Variants in ZNF329 observed in about 807,000 individuals in gnomAD.
ZNF329 encodes the protein zinc finger protein 329.
ZNF329 carries 15 observed loss-of-function variants against 26.6 expected under a neutral mutation model. The observed-to-expected ratio is 0.56, with a 90% CI of 0.38 to 0.87. The LOEUF (loss-of-function observed/expected upper bound fraction) is 0.87. ZNF329 is among the 40% of genes least tolerant of loss of function. ZNF329 has a pLI of 0.00. For missense variants in ZNF329, 651 were observed against 651.9 expected, an observed-to-expected ratio of 1.00 and a Z score of 0.02; for synonymous variants, 239 against 233.5, an observed-to-expected ratio of 1.02 and a Z score of -0.21.
chr19:58,148,005 C>T (rs868320002), intron 1 of ZNF329, among the ~76,000 whole-genome samples: 5 of 152,112 alleles, frequency 3.3e-5, no homozygotes, highest in East Asian at 1.9e-4. Context: ...CGTGTCTGTG[C>T]AGAAAGTAGA....
upstream of ZNF329, among the ~76,000 whole-genome samples, chr19:58,151,967 G>T (rs2075463068): frequency 6.6e-6 from 1 of 152,098 alleles, no homozygotes; most frequent in Non-Finnish European, 1.5e-5. Flanking sequence ...ATTATTTATA[G>T]ATTATTCTAT....
chr19:58,139,218 A>C (rs531144720), intron 3 of ZNF329, among the ~76,000 whole-genome samples: 22 of 152,184 alleles, frequency 1.4e-4, no homozygotes, highest in African/African-American at 1.9e-4. Flanking sequence ...TAAAACTTAA[A>C]CACCACCAAG....
chr19:58,137,800 C>CA (rs2075104550), intron 3 of ZNF329, among the ~76,000 whole-genome samples: 2 of 30,918 alleles, frequency 6.5e-5, no homozygotes, highest in Admixed American at 4.9e-4. Context: ...CCCATCTCTA[C>CA]AAAAAATACA....
At chr19:58,154,096 C>A (rs2075503530), upstream of ZNF329, among the ~76,000 whole-genome samples, 1 of 151,882 alleles carries the variant, frequency 6.6e-6, no homozygotes, top group South Asian at 2.1e-4. Flanking sequence ...CCAAACTCTG[C>A]ATCCCCGGTT....
At chr19:58,135,941 C>T (rs1217728875) in intron 3 of ZNF329, among the ~76,000 whole-genome samples, 1 of 152,090 alleles carries the variant, frequency 6.6e-6, no homozygotes, top group Non-Finnish European at 1.5e-5. Context: ...TTACAAAACA[C>T]CTAGAACAGG....
At chr19:58,140,713 CCT>C (rs1244180816) in intron 3 of ZNF329, among the ~76,000 whole-genome samples, 3 of 151,944 alleles carry the variant, frequency 2.0e-5, no homozygotes, top group South Asian at 4.2e-4. Context: ...CGCGCCCAGC[CCT>C]TTTTTTCTTT....
rs150746474 is a variant in ZNF329, at chr19:58,127,802, G to A, written c.*76C>T. The A allele has an allele frequency of 6.8e-5, 90 of 1,328,776 alleles. No individual in the cohort carries two copies. In the African/African-American group the frequency reaches 1.1e-3, roughly 17 times the overall value. The allele number at this position is 1,328,776 out of a possible 1,614,324, so 82.3% of individuals were successfully genotyped here. ...AAAGGATTCTTTTCTACTGACCAGA[G>A]AGGAGTCAGATCTAAGACACGCCTC... On this transcript the variant is annotated 3_prime_UTR_variant, in exon 4 of 4. Coordinates refer to ENST00000598312, the MANE Select transcript of ZNF329 (RefSeq NM_024620.4).
rs1462930894 is a variant in ZNF329 at position 58,126,742 on chromosome 19, C to G, written c.*1136G>C. Reference sequence around the variant, plus strand: ...GATCTTAGCTCACTGCAACCTCCACCTCCCAGGTTCAAGCAATTCTCCTGC... The same window carrying G: ...GATCTTAGCTCACTGCAACCTCCACGTCCCAGGTTCAAGCAATTCTCCTGC... On this transcript the variant is annotated 3_prime_UTR_variant, in exon 4 of 4. Coordinates refer to ENST00000598312, the MANE Select transcript of ZNF329 (RefSeq NM_024620.4). 6.6e-6 allele frequency: 1 copy of G among 152,286 alleles called. No homozygotes were observed. Among genetic ancestry groups the G allele is most frequent in the Non-Finnish European group, 1.5e-5 (1 of 68,130 alleles). The allele number at this position is 152,286 out of a possible 1,614,324, so 9.4% of individuals were successfully genotyped here.
At chr19:58,152,322 G>A (rs564064714), upstream of ZNF329, among the ~76,000 whole-genome samples, 6 of 151,118 alleles carry the variant, frequency 4.0e-5, no homozygotes, top group East Asian at 3.9e-4. Context: ...CTGAGGTCAG[G>A]AGTTCAAGAT....
intron 1 of ZNF329, among the ~76,000 whole-genome samples, chr19:58,146,465 T>C (rs1408135892): frequency 7.0e-6 from 1 of 142,278 alleles, no homozygotes; most frequent in East Asian, 2.1e-4. Context: ...CGGAGTAAGA[T>C]TCCATCTTTA....
In ZNF329 at chr19:58,127,665, T is replaced by C. The variant is rs2074830556; in HGVS notation, c.*213A>G. On this transcript the variant is annotated 3_prime_UTR_variant, in exon 4 of 4. Transcript: ENST00000598312. ...GTCATGTCTGGTACAGACTGAATCA[T>C]CCCCAAAGACTTTTCTGCCCTCATC... 2.0e-6 allele frequency: 1 copy of C among 501,852 alleles called. No homozygotes were observed. Among genetic ancestry groups the C allele is most frequent in the East Asian group, 3.0e-5 (1 of 33,728 alleles). 31.1% of individuals were successfully genotyped at this position (501,852 alleles called of 1,614,324 possible).
upstream of ZNF329, among the ~76,000 whole-genome samples, chr19:58,151,171 G>T (rs1026801499): frequency 1.3e-5 from 2 of 152,084 alleles, no homozygotes; most frequent in Admixed American, 6.6e-5. Flanking sequence ...TTGTTAAAAT[G>T]ACTAGATCTA....
Position 58,126,606 on chromosome 19 carries a change from A to G in ZNF329, c.*1272T>C, listed in dbSNP as rs1161824016. 1 of 152,230 alleles carries G rather than the reference A, an allele frequency of 6.6e-6. No individual in the cohort carries two copies. The highest frequency in any genetic ancestry group is 6.5e-5 in the Admixed American group (1 of 15,272). The allele number at this position is 152,230 out of a possible 1,614,324, so 9.4% of individuals were successfully genotyped here. A position where few individuals can be genotyped will look rare whatever the true frequency, so the allele number is the denominator to read the frequency against. On this transcript the variant is annotated 3_prime_UTR_variant, in exon 4 of 4. Transcript: ENST00000598312. Reference sequence around the variant, plus strand: ...TATTTTTGCTTCAACAACTAAAGCAACAAACCACATCTGTTAGAAGCAGCC... The same window carrying G: ...TATTTTTGCTTCAACAACTAAAGCAGCAAACCACATCTGTTAGAAGCAGCC...
chr19:58,134,391 A>C (rs1180635014), intron 3 of ZNF329, among the ~76,000 whole-genome samples: 1 of 152,230 alleles, frequency 6.6e-6, no homozygotes, highest in Non-Finnish European at 1.5e-5. Context: ...ACTAAATACA[A>C]AGTGTAAAGT....
chr19:58,129,483 A>T lies in ZNF329; in HGVS notation c.21T>A (p.Thr7=), dbSNP rs555346971. 1.9e-6 allele frequency: 3 copies of T among 1,596,718 alleles called. No individual in the cohort carries two copies. Among genetic ancestry groups the T allele is most frequent in the African/African-American group, 2.7e-5 (2 of 74,196 alleles). ...GTACTTCTCTCTCAGGAAAATTCCG[A>T]GTCGTCATTTTCAATCTCATATCCC... MRLKMT[T]RNFPEREVPC... is the part of the protein sequence containing the mutation. The change falls in exon 4 of 4, where the codon ACT becomes ACA. Residue 7 remains threonine (T), a synonymous_variant. Transcript: ENST00000598312.
intron 3 of ZNF329, among the ~76,000 whole-genome samples, chr19:58,134,407 A>G (rs548370141): frequency 3.3e-5 from 5 of 152,384 alleles, no homozygotes; most frequent in African/African-American, 1.2e-4. Context: ...AAAGTAAGGT[A>G]TCAACAATTA....
intron 3 of ZNF329, among the ~76,000 whole-genome samples, chr19:58,142,009 T>C (rs281077): frequency 0.4 from 60,864 of 151,968 alleles, 12,514 homozygotes; most frequent in South Asian, 0.49. Flanking sequence ...CAGTGAGCCC[T>C]GATCGTGCCA....
chr19:58,146,202 A>G (rs1420152769), intron 1 of ZNF329, among the ~76,000 whole-genome samples: 1 of 152,130 alleles, frequency 6.6e-6, no homozygotes, highest in African/African-American at 2.4e-5. Context: ...GGCCAGGCGC[A>G]GTGGCTCACA....
intron 1 of ZNF329, among the ~76,000 whole-genome samples, chr19:58,145,713 T>C (rs553924138): frequency 6.6e-6 from 1 of 151,960 alleles, no homozygotes; most frequent in East Asian, 1.9e-4. Flanking sequence ...ACCATGAACA[T>C]AAGATTAAAA....
Sources: allele counts gnomAD v4.1 joint callset (sites outside exome capture counted in the v4.1 genomes callset), GRCh38; gene constraint gnomAD v4.1.1; transcripts MANE v1.5; gene names NCBI Gene and HGNC (gene_info 2026-07-23, HGNC 2026-07-21).